The following PPFIA2 variants were observed in gnomAD, a reference collection of about 807,000 sequenced individuals.
The protein encoded by PPFIA2 is PPFI scaffold protein A2.
Under a neutral mutation model 175.5 loss-of-function variants are expected in PPFIA2, and 46 were observed. The ratio of observed to expected loss-of-function variants is 0.26; its 90% confidence interval spans 0.21 to 0.34. The LOEUF is 0.34. PPFIA2 is among the 10% of genes least tolerant of loss of function. PPFIA2 has a pLI of 1.00. For synonymous variants in PPFIA2, 568 were observed against 511.4 expected (o/e 1.11, Z -1.49); for missense variants, 1,179 against 1,506.1 (o/e 0.78, Z 3.60).
At position 81,347,609 on chromosome 12, in the gene PPFIA2, G is replaced by T. The variant is rs372879855; in HGVS notation, c.2156C>A (p.Pro719His). The T allele has an allele frequency of 4.6e-5, 74 of 1,613,756 alleles. No individual in the cohort carries two copies. The highest frequency in any genetic ancestry group is 6.7e-5 in the East Asian group (3 of 44,856). Residue 719 changes from proline (P) to histidine (H), a missense_variant, in exon 18 of 33, where the codon CCC (proline) becomes CAC (histidine). Physicochemically the swap from Pro to His is moderately conservative, Grantham distance 77. Coordinates refer to ENST00000549396, the MANE Select transcript of PPFIA2 (RefSeq NM_003625.5). ...GAGCTTTGGAGTTGAGTGTCCACTG[G>T]GGGGAGATGAACTGGCCAGCGATGA... Reference protein sequence around the residue: ...TASSLASSSPPSGHSTPKLTP... With the variant: ...TASSLASSSPHSGHSTPKLTP...
chr12:81,631,286 G>A (rs2063355730), intron 4 of PPFIA2, among the ~76,000 whole-genome samples: 1 of 152,004 alleles, frequency 6.6e-6, no homozygotes, highest in South Asian at 2.1e-4. Flanking sequence ...AACATTTCCA[G>A]TTATTACAGT....
At chr12:81,662,983 C>T (rs1482040243) in intron 4 of PPFIA2, among the ~76,000 whole-genome samples, 1 of 152,118 alleles carries the variant, frequency 6.6e-6, no homozygotes, top group Non-Finnish European at 1.5e-5. Context: ...GCAGAAAAGG[C>T]CTTTGACAAA....
intron 4 of PPFIA2, among the ~76,000 whole-genome samples, chr12:81,582,412 G>A (rs2074554408): frequency 6.6e-6 from 1 of 151,630 alleles, no homozygotes; most frequent in Non-Finnish European, 1.5e-5. Flanking sequence ...TTTTGAAAAT[G>A]TAATATACTA....
rs932722195 is a variant in PPFIA2 at position 81,308,824 on chromosome 12, T to C, written c.2643-9442A>G. Among the ~76,000 whole-genome samples the C allele has an allele frequency of 5.3e-5, 8 of 152,310 alleles. No individual in the cohort carries two copies. The East Asian group carries it at 1.4e-3, about 26-fold the overall frequency. ...CAGAGAAAAGTTAGCCTAGTTTAAA[T>C]GAATGAGATAGAAAAGTTGAATTTG... On this transcript the variant is annotated intron_variant, in intron 22 of 32. Coordinates refer to ENST00000549396, the MANE Select transcript of PPFIA2 (RefSeq NM_003625.5).
intron 4 of PPFIA2, among the ~76,000 whole-genome samples, chr12:81,641,389 G>A (rs1355101739): frequency 6.6e-6 from 1 of 152,050 alleles, no homozygotes; most frequent in African/African-American, 2.4e-5. Context: ...TTACAAAAGT[G>A]ACCACAGTTC....
chr12:81,689,050 T>A (rs1305286602), intron 3 of PPFIA2, among the ~76,000 whole-genome samples: 2 of 151,462 alleles, frequency 1.3e-5, no homozygotes, highest in African/African-American at 4.8e-5. Flanking sequence ...TATTTTATGG[T>A]CATATATTAA....
intron 4 of PPFIA2, among the ~76,000 whole-genome samples, chr12:81,503,886 T>C (rs1233583697): frequency 6.6e-6 from 1 of 151,930 alleles, no homozygotes; most frequent in Non-Finnish European, 1.5e-5. Flanking sequence ...AAAACAAAAT[T>C]CTTTTTGTTA....
intron 19 of PPFIA2, among the ~76,000 whole-genome samples, chr12:81,341,535 C>A (rs2058077593): frequency 6.6e-6 from 1 of 152,090 alleles, no homozygotes; most frequent in Non-Finnish European, 1.5e-5. Context: ...TGCAGCCCAA[C>A]ACGAATTCGT....
At chr12:81,370,222 T>TA (rs775600110) in intron 11 of PPFIA2, among the ~76,000 whole-genome samples, 1 of 151,728 alleles carries the variant, frequency 6.6e-6, no homozygotes, top group Non-Finnish European at 1.5e-5. Flanking sequence ...GAAAAAAAGA[T>TA]AAAAAAACTA....
chr12:81,502,705 T>C (rs1446306457), intron 4 of PPFIA2, among the ~76,000 whole-genome samples: 1 of 152,110 alleles, frequency 6.6e-6, no homozygotes, highest in Admixed American at 6.6e-5. Context: ...CTAGAAAAAA[T>C]AACATTGAGC....
At chr12:81,574,464 G>A (rs2073142093) in intron 4 of PPFIA2, among the ~76,000 whole-genome samples, 1 of 151,686 alleles carries the variant, frequency 6.6e-6, no homozygotes, top group South Asian at 2.1e-4. Flanking sequence ...AATAGAAAAT[G>A]ATCAGAATCA....
At chr12:81,312,062 G>C (rs981725695) in intron 22 of PPFIA2, 26 of 1,180,426 alleles carry the variant, frequency 2.2e-5, no homozygotes, top group Non-Finnish European at 3.0e-5. Flanking sequence ...AGGCAGTGCA[G>C]CTTGTGTTAC....
Position 81,662,346 on chromosome 12 carries a change from C to T in PPFIA2, c.303+14445G>A, listed in dbSNP as rs189305254. Among the ~76,000 whole-genome samples, 501 of 152,200 alleles carry T rather than the reference C, an allele frequency of 3.3e-3. 3 individuals carry two copies. The highest frequency in any genetic ancestry group is 0.012 in the African/African-American group (486 of 41,542). ...AAAAGAGAGAAGAATCAAATAGACG[C>T]AATAAACAATGATAAAGGGGATATT... On this transcript the variant is annotated intron_variant, in intron 4 of 32. Coordinates refer to ENST00000549396, the MANE Select transcript of PPFIA2 (RefSeq NM_003625.5).
At position 81,263,254 on chromosome 12, in the gene PPFIA2, T is replaced by C; in HGVS notation, c.3692A>G (p.Gln1231Arg). 1 of 1,609,804 alleles carries C rather than the reference T, an allele frequency of 6.2e-7. No homozygotes were observed. Among genetic ancestry groups the C allele is most frequent in the Non-Finnish European group, 8.5e-7 (1 of 1,177,578 alleles). The change falls in exon 31 of 33, where the codon CAG (glutamine) becomes CGG (arginine). Residue 1231 changes from glutamine to arginine, a missense_variant. Physicochemically the swap from Gln to Arg is conservative, Grantham distance 43 (BLOSUM62 1). Around this residue, in one of 10 missense-constraint regions of PPFIA2, gnomAD observed 245 missense variants for 375.1 expected, o/e 0.65. Coordinates refer to ENST00000549396, the MANE Select transcript of PPFIA2 (RefSeq NM_003625.5). ...ACCATCTGTTGTCATTTTTCTTGACTGCCCAGAGGTTGTGGTTAACCTAAA... is the reference window on the plus strand; with the variant it reads ...ACCATCTGTTGTCATTTTTCTTGACCGCCCAGAGGTTGTGGTTAACCTAAA... ...AGFRLTTTSG[Q>R]SRKMTTDVAS... is the part of the protein sequence containing the mutation.
intron 4 of PPFIA2, among the ~76,000 whole-genome samples, chr12:81,673,456 A>T (rs1198893150): frequency 1.3e-5 from 2 of 152,086 alleles, no homozygotes; most frequent in Non-Finnish European, 2.9e-5. Flanking sequence ...AAAACATAAA[A>T]CACTATGACA....
At chr12:81,745,494 T>C (rs1321371952) in intron 3 of PPFIA2, among the ~76,000 whole-genome samples, 1 of 152,174 alleles carries the variant, frequency 6.6e-6, no homozygotes, top group Non-Finnish European at 1.5e-5. Context: ...CAATGACCTT[T>C]TTTTTCTTCT....
At chr12:81,278,925 T>A (rs560533200) in intron 27 of PPFIA2, among the ~76,000 whole-genome samples, 1 of 152,118 alleles carries the variant, frequency 6.6e-6, no homozygotes, top group African/African-American at 2.4e-5. Flanking sequence ...ATAAAAACAA[T>A]GTTGAGTCAA....
chr12:81,650,529 T>C (rs2066882670), intron 4 of PPFIA2, among the ~76,000 whole-genome samples: 3 of 152,038 alleles, frequency 2.0e-5, no homozygotes, highest in Non-Finnish European at 4.4e-5. Context: ...TTATATCCTA[T>C]AGGAAATAAG....
chr12:81,297,714 T>A (rs1594206017), intron 23 of PPFIA2, among the ~76,000 whole-genome samples: 2 of 152,240 alleles, frequency 1.3e-5, no homozygotes, highest in Non-Finnish European at 2.9e-5. Flanking sequence ...CTAGTTAACA[T>A]CACCCAAATG....
Sources: gnomAD v4.1 joint callset for allele counts (sites outside exome capture counted in the v4.1 genomes callset) on GRCh38, gnomAD v4.1.1 for gene constraint, gnomAD v4.1.1 regional missense constraint, MANE v1.5 for transcripts, NCBI Gene and HGNC (gene_info 2026-07-23, HGNC 2026-07-21) for gene names.